Variants in PRPF3 observed in about 807,000 individuals in gnomAD.
PRPF3 encodes pre-mRNA processing factor 3.
PRPF3 carries 3 observed loss-of-function variants against 89.2 expected under a neutral mutation model. The ratio of observed to expected loss-of-function variants is 0.03; its 90% confidence interval spans 0.02 to 0.09. The LOEUF (loss-of-function observed/expected upper bound fraction) is 0.09. PRPF3 is among the 10% of genes least tolerant of loss of function. PRPF3 has a pLI of 1.00. For synonymous variants in PRPF3, 270 were observed against 289.1 expected (o/e 0.93, Z 0.67); for missense variants, 463 against 828.8 (o/e 0.56, Z 5.42).
At chr1:150,335,545 A>C (rs1209127473) in intron 7 of PRPF3, among the ~76,000 whole-genome samples, 1 of 152,032 alleles carries the variant, frequency 6.6e-6, no homozygotes, top group Admixed American at 6.6e-5. Context: ...GGCTTGCTGC[A>C]ACCTTTGCCT....
chr1:150,336,078 T>C (rs1171942196), intron 7 of PRPF3, among the ~76,000 whole-genome samples: 1 of 152,184 alleles, frequency 6.6e-6, no homozygotes, highest in Non-Finnish European at 1.5e-5. Context: ...ATTTCTATTA[T>C]TATTTTATTG....
chr1:150,324,356 GTT>G (rs1553863066), intron 1 of PRPF3, among the ~76,000 whole-genome samples: 1 of 152,176 alleles, frequency 6.6e-6, no homozygotes, highest in African/African-American at 2.4e-5. Flanking sequence ...TATTCACAGA[GTT>G]TGTTTATTCC....
At chr1:150,350,147 C>T (rs1187963612) in intron 15 of PRPF3, among the ~76,000 whole-genome samples, 1 of 151,480 alleles carries the variant, frequency 6.6e-6, no homozygotes, top group African/African-American at 2.4e-5. Flanking sequence ...CCGCCTGCCT[C>T]GGCCTCCCAA....
At chr1:150,350,741 A>G (rs1658841595) in intron 15 of PRPF3, among the ~76,000 whole-genome samples, 1 of 151,996 alleles carries the variant, frequency 6.6e-6, no homozygotes, top group East Asian at 1.9e-4. Context: ...TGGTTGGATC[A>G]CTTGAGCTCA....
intron 9 of PRPF3, 103 bp from the exon 10 acceptor site, chr1:150,343,206 C>T: frequency 1.4e-6 from 1 of 699,450 alleles, no homozygotes; most frequent in South Asian, 4.1e-5. Context: ...CGTGCCATTG[C>T]ACTCCAACCT....
intron 2 of PRPF3, among the ~76,000 whole-genome samples, chr1:150,325,497 T>A (rs1176017686): frequency 1.3e-5 from 2 of 152,112 alleles, no homozygotes; most frequent in African/African-American, 4.8e-5. Context: ...GTGAGGGTGG[T>A]TATTCATCTC....
At chr1:150,347,424 A>G (rs1658403566) in intron 14 of PRPF3, among the ~76,000 whole-genome samples, 1 of 152,012 alleles carries the variant, frequency 6.6e-6, no homozygotes, top group Non-Finnish European at 1.5e-5. Flanking sequence ...AATTGAAAAT[A>G]TTGTTAAGTC....
intron 12 of PRPF3, 141 bp downstream of exon 12, chr1:150,344,688 G>A (rs1193900092): frequency 4.4e-6 from 4 of 908,822 alleles, no homozygotes; most frequent in Non-Finnish European, 5.2e-6. Context: ...TGGATCAAGA[G>A]CTAGTAAATC....
chr1:150,330,087 C>G (rs1376320058), intron 4 of PRPF3: 1 of 152,090 alleles, frequency 6.6e-6, no homozygotes, highest in Non-Finnish European at 1.5e-5. Context: ...CAAGGTCTCA[C>G]TTTTTTGTCC....
intron 4 of PRPF3, among the ~76,000 whole-genome samples, chr1:150,331,589 T>G (rs187656427): frequency 1.3e-5 from 2 of 151,820 alleles, no homozygotes; most frequent in African/African-American, 2.4e-5. Context: ...GGTCTTCAGC[T>G]CCTGACCTCA....
intron 2 of PRPF3, 112 bp downstream of exon 2, chr1:150,325,199 A>G: frequency 7.7e-7 from 1 of 1,302,276 alleles, no homozygotes; most frequent in Non-Finnish European, 1.1e-6. Flanking sequence ...GGCAGGCCAT[A>G]TTTTATTTTC....
chr1:150,348,936 C>T, intron 14 of PRPF3: 1 of 549,540 alleles, frequency 1.8e-6, no homozygotes, highest in South Asian at 2.1e-5. Flanking sequence ...GCTCTTGATT[C>T]ATAACAAGTG....
rs782356717 is a variant in PRPF3, at chr1:150,325,096, CT to C, written c.145+12del. On this transcript the variant is annotated intron_variant, in intron 2 of 15. Coordinates refer to ENST00000324862, the MANE Select transcript of PRPF3 (RefSeq NM_004698.4). ...CAAGAAGAAGGCAGCCGGTATGTACCTTTCTGCATCTTTTATCTTAACATAT... is the reference window on the plus strand; with the variant it reads ...CAAGAAGAAGGCAGCCGGTATGTACCTTCTGCATCTTTTATCTTAACATAT... 3 of 1,612,452 alleles carry C rather than the reference CT, an allele frequency of 1.9e-6. No individual in the cohort carries two copies. The Admixed American group carries it at 5.0e-5, about 27-fold the overall frequency.
In PRPF3 at chr1:150,334,941, G is replaced by A. The variant is rs1243215608; in HGVS notation, c.735G>A (p.Val245=). 1.2e-6 allele frequency: 2 copies of A among 1,613,754 alleles called. No individual in the cohort carries two copies. The highest frequency in any genetic ancestry group is 1.1e-5 in the South Asian group (1 of 91,066). The change falls in exon 7 of 16, where the codon GTG becomes GTA. Residue 245 remains valine (V), a synonymous_variant. Transcript: ENST00000324862. ...TTTGCGGGCTATTTTTCAGGAAGGT[G>A]GAGTTAAAAGACCAAACGAAACCTA... ...LHAMGIAPPK[V]ELKDQTKPTP...
At position 150,340,413 on chromosome 1, in the gene PRPF3, C is replaced by T; in HGVS notation, c.1218C>T (p.Pro406=). 1 of 1,602,050 alleles carries T rather than the reference C, an allele frequency of 6.2e-7. No homozygotes were observed. The highest frequency in any genetic ancestry group is 8.6e-7 in the Non-Finnish European group (1 of 1,169,166). The change falls in exon 9 of 16, where the codon CCC becomes CCT. Residue 406 remains proline (P), a synonymous_variant. Coordinates refer to ENST00000324862, the MANE Select transcript of PRPF3 (RefSeq NM_004698.4). ...ACAATTTTAGTACAGAGGAAAATCC[C>T]AAGAGAGAAGATTATTTTGGAATCA... The part of the protein sequence containing the change: ...PNGFDLTEEN[P]KREDYFGITN...
chr1:150,344,098 TAAC>T, intron 10 of PRPF3, 61 bp from the exon 11 acceptor site: 2 of 1,400,124 alleles, frequency 1.4e-6, no homozygotes, highest in Non-Finnish European at 2.0e-6. Context: ...ATGGAAGAAA[TAAC>T]AAGTTACTCC....
intron 14 of PRPF3, among the ~76,000 whole-genome samples, chr1:150,348,460 A>ATTTTTTTTTTTTTTGT (rs1658535446): frequency 2.1e-5 from 1 of 48,464 alleles, no homozygotes; most frequent in Non-Finnish European, 3.5e-5. Flanking sequence ...CTACACGTGC[A>ATTTTTTTTTTTTTTGT]TTTTTTTTTT....
At chr1:150,329,744 C>T (rs936089968) in intron 4 of PRPF3, 1 of 152,076 alleles carries the variant, frequency 6.6e-6, no homozygotes, top group Admixed American at 6.6e-5. Flanking sequence ...GTGATATTTA[C>T]AGAAGGAAAG....
At chr1:150,323,236 A>G (rs1553862711) in intron 1 of PRPF3, among the ~76,000 whole-genome samples, 2 of 118,196 alleles carry the variant, frequency 1.7e-5, no homozygotes, top group African/African-American at 6.5e-5. Flanking sequence ...GCTGGAGTGC[A>G]CATGATTTTG....
Sources: gnomAD v4.1 joint callset for allele counts (sites outside exome capture counted in the v4.1 genomes callset) on GRCh38, gnomAD v4.1.1 for gene constraint, MANE v1.5 for transcripts, NCBI Gene and HGNC (gene_info 2026-07-23, HGNC 2026-07-21) for gene names.